The following CIB2 variants were observed in gnomAD, a reference collection of about 807,000 sequenced individuals.
CIB2 encodes calcium and integrin binding family member 2, also known as calcium and integrin-binding family member 2.
In CIB2, 19 loss-of-function variants were observed where a neutral mutation model predicts 23.1. That is an observed-to-expected ratio of 0.82 (90% CI 0.57 to 1.21). The LOEUF (loss-of-function observed/expected upper bound fraction) is 1.21. CIB2 is among the 50% of genes most tolerant of loss of function. CIB2 has a pLI of 0.00. For missense variants in CIB2, 220 were observed against 241.5 expected (o/e 0.91, Z 0.59); for synonymous variants, 94 against 91.7 (o/e 1.03, Z -0.14).
chr15:78,116,129 T>C (rs115878593), intron 2 of CIB2, among the ~76,000 whole-genome samples: 3,803 of 152,136 alleles, frequency 0.025, 157 homozygotes, highest in African/African-American at 0.088. Flanking sequence ...AGTAATGTAG[T>C]AATGATTTAA....
In CIB2 at chr15:78,111,177, C is replaced by T; in HGVS notation, c.186G>A (p.Met62Ile). 1 of 1,614,076 alleles carries T rather than the reference C, an allele frequency of 6.2e-7. No homozygotes were observed. The highest frequency in any genetic ancestry group is 8.5e-7 in the Non-Finnish European group (1 of 1,179,958). Reference protein sequence around the residue: ...VHVPMSLIIQMPELRENPFKE... With the variant: ...VHVPMSLIIQIPELRENPFKE... ...GTCCTGCACATACCCGGAGCTCTGGCATCTGGATGATGAGGCTCATGGGCA... is the reference window on the plus strand; with the variant it reads ...GTCCTGCACATACCCGGAGCTCTGGTATCTGGATGATGAGGCTCATGGGCA... The change falls in exon 3 of 6, where the codon ATG becomes ATA. Residue 62 changes from methionine (M) to isoleucine (I), a missense_variant. Met to Ile is a conservative substitution (Grantham distance 10). Coordinates refer to ENST00000258930, the MANE Select transcript of CIB2 (RefSeq NM_006383.4).
Position 78,105,207 on chromosome 15 carries a change from C to A in CIB2, c.*104G>T, listed in dbSNP as rs1185809987. The stretch of plus-strand genomic sequence containing the variant: ...CCACAGGATATATTTGTGGTGTAAA[C>A]CCCAGAGGCTGCCACTGCTTTCCTG... On this transcript the variant is annotated 3_prime_UTR_variant, in exon 6 of 6. Transcript: ENST00000258930. 4 of 1,488,074 alleles carry A rather than the reference C, an allele frequency of 2.7e-6. No individual in the cohort carries two copies. The highest frequency in any genetic ancestry group is 1.8e-4 in the Middle Eastern group (1 of 5,682). The allele number at this position is 1,488,074 out of a possible 1,614,324, so 92.2% of individuals were successfully genotyped here.
chr15:78,109,498 C>T (rs545662970), intron 3 of CIB2, 116 bp from the exon 4 acceptor site: 13 of 1,140,008 alleles, frequency 1.1e-5, no homozygotes, highest in African/African-American at 4.6e-5. Context: ...CTCTGAGCCT[C>T]GGTTTCCCCA....
Position 78,105,858 on chromosome 15 carries a change from A to C in CIB2, c.423T>G (p.Asp141Glu). 1 of 1,614,066 alleles carries C rather than the reference A, an allele frequency of 6.2e-7. No individual in the cohort carries two copies. Among genetic ancestry groups the C allele is most frequent in the Non-Finnish European group, 8.5e-7 (1 of 1,179,988 alleles). Residue 141 changes from aspartate (D) to glutamate (E), a missense_variant, in exon 5 of 6, where the codon GAT (aspartate) becomes GAG (glutamate). Coordinates refer to ENST00000258930, the MANE Select transcript of CIB2 (RefSeq NM_006383.4). ...CGCACACAAGCACCACCTCCTCCTC[A>C]TCCAGCTCTGACTTAGTGAGCCGGG... The part of the protein sequence containing the change: ...TLARLTKSEL[D>E]EEEVVLVCDK...
At position 78,131,436 on chromosome 15, in the gene CIB2, G is replaced by C. The variant is rs991768892; in HGVS notation, c.-221C>G. 2.7e-5 allele frequency: 5 copies of C among 184,912 alleles called. No individual in the cohort carries two copies. Among genetic ancestry groups the C allele is most frequent in the African/African-American group, 9.8e-5 (4 of 40,998 alleles). 11.5% of individuals were successfully genotyped at this position (184,912 alleles called of 1,614,324 possible). A position where few individuals can be genotyped will look rare whatever the true frequency, so the allele number is the denominator to read the frequency against. ...CGGAGCGGCAGCGACTCCGCCGCCG[G>C]CGGGAAGAGGGCGGGGCACCCGGCT... On this transcript the variant is annotated 5_prime_UTR_variant, in exon 1 of 6. Transcript: ENST00000258930. The surrounding 1 kb of genome is among the most constrained non-coding windows in gnomAD (Gnocchi z 5.8).
intron 1 of CIB2, among the ~76,000 whole-genome samples, chr15:78,124,410 T>A (rs182138696): frequency 2.5e-3 from 381 of 150,326 alleles, no homozygotes; most frequent in African/African-American, 8.4e-3. Context: ...TAAGCATTAC[T>A]CCAGGTGGGG....
intron 4 of CIB2, 40 bp from the exon 5 acceptor site, chr15:78,105,974 G>A (rs535173714): frequency 1.4e-5 from 22 of 1,554,160 alleles, no homozygotes; most frequent in East Asian, 4.5e-5. Flanking sequence ...TCCAGGCTGC[G>A]TGCACCCAGG....
chr15:78,106,006 C>T, intron 4 of CIB2, 72 bp from the exon 5 acceptor site: 2 of 1,287,630 alleles, frequency 1.6e-6, no homozygotes, highest in Non-Finnish European at 2.2e-6. Context: ...TATAGCTCTT[C>T]CTCCTAGCTG....
At chr15:78,122,684 G>C (rs1332825965) in intron 2 of CIB2, among the ~76,000 whole-genome samples, 1 of 152,248 alleles carries the variant, frequency 6.6e-6, no homozygotes, top group Non-Finnish European at 1.5e-5. Context: ...AGGTCAAATG[G>C]TTGCCCAAGG....
At chr15:78,116,306 T>A (rs532300911) in intron 2 of CIB2, among the ~76,000 whole-genome samples, 6 of 151,506 alleles carry the variant, frequency 4.0e-5, no homozygotes, top group African/African-American at 1.5e-4. Flanking sequence ...ACAAAAAATA[T>A]ATATATATAA....
intron 2 of CIB2, 57 bp from the exon 3 acceptor site, chr15:78,111,333 G>A (rs2074156241): frequency 8.6e-6 from 12 of 1,403,038 alleles, no homozygotes; most frequent in Non-Finnish European, 1.1e-5. Flanking sequence ...AGCCCCAGCA[G>A]CCCGGTGCTG....
rs142444044 is a variant in CIB2, at chr15:78,126,177, C to G, written c.52-2438G>C. ...TTTTTTTTTGAGACGGAGTCTTGCTCTGTCACCCAGGCTGGAGTACAGTGG... is the reference window on the plus strand; with the variant it reads ...TTTTTTTTTGAGACGGAGTCTTGCTGTGTCACCCAGGCTGGAGTACAGTGG... On this transcript the variant is annotated intron_variant, in intron 1 of 5. Coordinates refer to ENST00000258930, the MANE Select transcript of CIB2 (RefSeq NM_006383.4). 2.8e-3 allele frequency among the ~76,000 whole-genome samples: 376 copies of G among 132,538 alleles called. 2 individuals carry two copies. The highest frequency in any genetic ancestry group is 9.9e-3 in the African/African-American group (362 of 36,640). 87.0% of individuals were successfully genotyped at this position (132,538 alleles called of 152,430 possible). A position where few individuals can be genotyped will look rare whatever the true frequency, so the allele number is the denominator to read the frequency against.
At chr15:78,120,365 T>C (rs1373133064) in intron 2 of CIB2, among the ~76,000 whole-genome samples, 3 of 152,230 alleles carry the variant, frequency 2.0e-5, no homozygotes, top group Non-Finnish European at 2.9e-5. Context: ...ATTATGTATA[T>C]GTGTAGTAAG....
At chr15:78,114,709 T>A (rs2074211509) in intron 2 of CIB2, among the ~76,000 whole-genome samples, 2 of 148,966 alleles carry the variant, frequency 1.3e-5, no homozygotes, top group South Asian at 4.2e-4. Context: ...GAGGCCAAAG[T>A]GAGAGAATTG....
intron 5 of CIB2, 185 bp downstream of exon 5, chr15:78,105,554 C>T: frequency 6.8e-7 from 1 of 1,479,506 alleles, no homozygotes; most frequent in Non-Finnish European, 8.9e-7. Flanking sequence ...CCCAGGTCTT[C>T]AACCTTCCCC....
At chr15:78,107,313 G>C (rs2074086631) in intron 4 of CIB2, among the ~76,000 whole-genome samples, 1 of 152,138 alleles carries the variant, frequency 6.6e-6, no homozygotes, top group South Asian at 2.1e-4. Flanking sequence ...TTGGACCCTA[G>C]AGCCCAAGCT....
At chr15:78,129,940 G>A (rs1351841289) in intron 1 of CIB2, among the ~76,000 whole-genome samples, 1 of 152,170 alleles carries the variant, frequency 6.6e-6, no homozygotes, top group Non-Finnish European at 1.5e-5. Flanking sequence ...CCATAAATGC[G>A]TCTCCCCTCT....
intron 3 of CIB2, 138 bp downstream of exon 3, chr15:78,111,027 G>A (rs2074150666): frequency 2.7e-6 from 2 of 737,768 alleles, no homozygotes. Flanking sequence ...GGAAACTGAG[G>A]CACAGAGAGG....
In CIB2 at chr15:78,105,912, G is replaced by A. The variant is rs758763586; in HGVS notation, c.369C>T (p.Ile123=). 1.2e-5 allele frequency: 20 copies of A among 1,614,068 alleles called. No individual in the cohort carries two copies. In the South Asian group the frequency reaches 1.6e-4, roughly 13 times the overall value. The change falls in exon 5 of 6, where the codon ATC becomes ATT. Residue 123 remains isoleucine (I), a synonymous_variant. Coordinates refer to ENST00000258930, the MANE Select transcript of CIB2 (RefSeq NM_006383.4). ...GCGTCAGCTCCAGGTCCTCCTTGCAGATGAAGTTGTCAGTGTTGAAGTCTG... is the reference window on the plus strand; with the variant it reads ...GCGTCAGCTCCAGGTCCTCCTTGCAAATGAAGTTGTCAGTGTTGAAGTCTG... ...KIYDFNTDNF[I]CKEDLELTLA...
Sources: allele counts gnomAD v4.1 joint callset (sites outside exome capture counted in the v4.1 genomes callset), GRCh38; gene constraint gnomAD v4.1.1; non-coding constraint Gnocchi (gnomAD v3.1); transcripts MANE v1.5; gene names NCBI Gene and HGNC (gene_info 2026-07-23, HGNC 2026-07-21).